Variants in CLEC1B observed in about 807,000 individuals in gnomAD.
CLEC1B encodes C-type lectin domain family 1 member B, also known as C-type lectin-like receptor 2.
Under a neutral mutation model 26.7 loss-of-function variants are expected in CLEC1B, and 26 were observed. The ratio of observed to expected loss-of-function variants is 0.97; its 90% CI spans 0.71 to 1.35. The LOEUF (loss-of-function observed/expected upper bound fraction) is 1.35, where lower values mean the gene tolerates loss of function less well. Among genes scored for constraint, CLEC1B ranks in the 40% most tolerant of loss-of-function variants. CLEC1B has a pLI of 0.00. For synonymous variants in CLEC1B, 112 were observed against 96.0 expected (o/e 1.17, Z -0.97); for missense variants, 293 against 282.6 (o/e 1.04, Z -0.26).
chr12:9,999,451 T>C (rs1366999123), upstream of CLEC1B, among the ~76,000 whole-genome samples: 4 of 152,248 alleles, frequency 2.6e-5, no homozygotes, highest in Non-Finnish European at 4.4e-5. Flanking sequence ...TGCTTTATCT[T>C]AGCCCTAGCT....
chr12:9,995,081 G>T, intron 5 of CLEC1B, 59 bp downstream of exon 5: 1 of 1,603,088 alleles, frequency 6.2e-7, no homozygotes. Flanking sequence ...AGAGAAGAGG[G>T]AATCTCAAGA....
chr12:9,994,184 G>C (rs1487560598), intron 5 of CLEC1B, among the ~76,000 whole-genome samples: 1 of 152,036 alleles, frequency 6.6e-6, no homozygotes, highest in Non-Finnish European at 1.5e-5. Flanking sequence ...TGGAGTTGTG[G>C]AGGCAGAGCA....
intron 4 of CLEC1B, 104 bp downstream of exon 4, chr12:9,996,742 C>T (rs1477175410): frequency 8.5e-7 from 1 of 1,183,174 alleles, no homozygotes; most frequent in Non-Finnish European, 1.3e-6. Flanking sequence ...TTAGTACAAA[C>T]TGAAAGATGT....
upstream of CLEC1B, chr12:9,999,159 C>A: frequency 9.0e-7 from 1 of 1,109,742 alleles, no homozygotes; most frequent in Non-Finnish European, 1.3e-6. Flanking sequence ...ATGTAGTTTC[C>A]AACTTTACAA....
intron 3 of CLEC1B, 23 bp downstream of exon 3, chr12:9,997,137 G>C (rs1433436812): frequency 6.2e-7 from 1 of 1,613,478 alleles, no homozygotes; most frequent in African/African-American, 1.3e-5. Flanking sequence ...GAGAGATGAA[G>C]AGGTTAAAAA....
At chr12:9,998,528 G>A in intron 1 of CLEC1B, 148 bp from the exon 2 acceptor site, 2 of 521,860 alleles carry the variant, frequency 3.8e-6, no homozygotes, top group Non-Finnish European at 3.6e-6. Flanking sequence ...TTCTCCTCAT[G>A]ATCATCAACA....
chr12:9,999,111 G>A lies in CLEC1B; in HGVS notation c.-11C>T, dbSNP rs1256205574. 4.4e-6 allele frequency: 7 copies of A among 1,594,910 alleles called. No homozygotes were observed. The South Asian group carries it at 6.8e-5, about 15-fold the overall frequency. On this transcript the variant is annotated 5_prime_UTR_variant, in exon 1 of 6. Coordinates refer to ENST00000298527, the MANE Select transcript of CLEC1B (RefSeq NM_016509.4). Reference sequence around the variant, plus strand: ...ATCTTCATCCTGCATGGCTTCCCGAGTACTGCAACTGAGCTCAGAGTTCAA... The same window carrying A: ...ATCTTCATCCTGCATGGCTTCCCGAATACTGCAACTGAGCTCAGAGTTCAA...
upstream of CLEC1B, among the ~76,000 whole-genome samples, chr12:10,001,286 G>A (rs1255331196): frequency 1.3e-5 from 2 of 152,200 alleles, no homozygotes; most frequent in Non-Finnish European, 2.9e-5. Context: ...GCCAGGATTA[G>A]TTCTTGATCC....
In CLEC1B at chr12:9,997,198, T is replaced by TG; in HGVS notation, c.244dup (p.Gln82ProfsTer17). Reference sequence around the variant, plus strand: ...TAGTTCTGATTGTTTTACCACATATTGACAGAAGCGCTTTGCTAATTGTTG... The same window carrying TG: ...TAGTTCTGATTGTTTTACCACATATTGGACAGAAGCGCTTTGCTAATTGTTG... On this transcript the variant is annotated frameshift_variant, in exon 3 of 6. Coordinates refer to ENST00000298527, the MANE Select transcript of CLEC1B (RefSeq NM_016509.4). LOFTEE classifies it high-confidence loss of function. 6.2e-7 allele frequency: 1 copy of TG among 1,614,030 alleles called. No homozygotes were observed. The highest frequency in any genetic ancestry group is 8.5e-7 in the Non-Finnish European group (1 of 1,179,976).
Position 9,997,269 on chromosome 12 carries a change from C to T in CLEC1B, c.174G>A (p.Gln58=), listed in dbSNP as rs761327813. 5 of 1,611,036 alleles carry T rather than the reference C, an allele frequency of 3.1e-6. No homozygotes were observed. Among genetic ancestry groups the T allele is most frequent in the Non-Finnish European group, 4.2e-6 (5 of 1,178,012 alleles). The change falls in exon 3 of 6, where the codon CAG becomes CAA. Residue 58 remains glutamine, a synonymous_variant. Transcript: ENST00000298527. ...CATTCTCACCTTGTAGGTAATTGCG[C>T]TGCATGACAGCTAGGTTTAAAAAGT... ...LVALGIWSVM[Q]RNYLQGENEN... is the part of the protein sequence containing the mutation.
In CLEC1B at chr12:9,997,245, A is replaced by G. The variant is rs1270813176; in HGVS notation, c.198T>C (p.Asn66=). ...VMQRNYLQGE[N]ENRTGTLQQL... ...GTTGCAGAGTTCCTGTGCGATTTTC[A>G]TTCTCACCTTGTAGGTAATTGCGCT... is the stretch of plus-strand genomic sequence containing the variant. The change falls in exon 3 of 6, where the codon AAT becomes AAC. Residue 66 remains asparagine (N), a synonymous_variant. Transcript: ENST00000298527. The G allele has an allele frequency of 1.9e-6, 3 of 1,613,346 alleles. No homozygotes were observed. In the South Asian group the frequency reaches 3.3e-5, roughly 18 times the overall value.
chr12:10,000,458 T>A (rs112933488), upstream of CLEC1B, among the ~76,000 whole-genome samples: 1 of 152,124 alleles, frequency 6.6e-6, no homozygotes, highest in African/African-American at 2.4e-5. Flanking sequence ...AAAGCCAAAC[T>A]TAGTATGATT....
Position 9,997,237 on chromosome 12 carries a change from C to A in CLEC1B, c.206G>T (p.Arg69Leu), listed in dbSNP as rs771729842. The A allele has an allele frequency of 5.0e-6, 8 of 1,613,174 alleles. No individual in the cohort carries two copies. Among genetic ancestry groups the A allele is most frequent in the South Asian group, 1.1e-5 (1 of 91,078 alleles). Residue 69 changes from arginine (R) to leucine (L), a missense_variant, in exon 3 of 6, where the codon CGC (arginine) becomes CTC (leucine). Coordinates refer to ENST00000298527, the MANE Select transcript of CLEC1B (RefSeq NM_016509.4). ...RNYLQGENEN[R>L]TGTLQQLAKR... ...TGCTAATTGTTGCAGAGTTCCTGTG[C>A]GATTTTCATTCTCACCTTGTAGGTA...
At chr12:9,998,902 A>G in intron 1 of CLEC1B, 135 bp downstream of exon 1, 1 of 562,370 alleles carries the variant, frequency 1.8e-6, no homozygotes, top group South Asian at 2.9e-5. Flanking sequence ...AACACTACTC[A>G]AATGCTTTAG....
At chr12:9,996,405 T>A (rs1865048364) in intron 4 of CLEC1B, among the ~76,000 whole-genome samples, 1 of 152,196 alleles carries the variant, frequency 6.6e-6, no homozygotes, top group Admixed American at 6.6e-5. Context: ...CGAATTAATC[T>A]CTATATAATA....
upstream of CLEC1B, among the ~76,000 whole-genome samples, chr12:10,000,112 T>C (rs889574107): frequency 2.0e-5 from 3 of 152,224 alleles, no homozygotes; most frequent in Non-Finnish European, 4.4e-5. Context: ...GGCAGATTTT[T>C]ATTTTTGTTA....
In CLEC1B at chr12:9,997,011, C is replaced by A; in HGVS notation, c.284-11G>T. On this transcript the variant is annotated splice_polypyrimidine_tract_variant and intron_variant, in intron 3 of 5. Transcript: ENST00000298527. ...TGCATTTATGACCTTCTGGAGAAAC[C>A]AAGCACAGGAATGGTGTATTTTTTC... 1.2e-6 allele frequency: 2 copies of A among 1,613,586 alleles called. No homozygotes were observed. Among genetic ancestry groups the A allele is most frequent in the Middle Eastern group, 1.7e-4 (1 of 6,056 alleles).
intron 4 of CLEC1B, 111 bp downstream of exon 4, chr12:9,996,735 G>C (rs1865057666): frequency 9.1e-7 from 1 of 1,095,064 alleles, no homozygotes. Context: ...TCTTAGATTA[G>C]TACAAACTGA....
rs750747598 is a variant in CLEC1B, at chr12:9,993,365, T to C, written c.546-78A>G. On this transcript the variant is annotated intron_variant, in intron 5 of 5. Transcript: ENST00000298527. Reference sequence around the variant, plus strand: ...TAATCAGACTCTGCGTATAGTAGTTTGATGCACCAAATAGAGACTGAGGAA... The same window carrying C: ...TAATCAGACTCTGCGTATAGTAGTTCGATGCACCAAATAGAGACTGAGGAA... 16 of 1,197,268 alleles carry C rather than the reference T, an allele frequency of 1.3e-5. No individual in the cohort carries two copies. In the African/African-American group the frequency reaches 2.1e-4, roughly 16 times the overall value. The allele number at this position is 1,197,268 out of a possible 1,614,324, so 74.2% of individuals were successfully genotyped here.
Sources: gnomAD v4.1 joint callset for allele counts (sites outside exome capture counted in the v4.1 genomes callset) on GRCh38, gnomAD v4.1.1 for gene constraint, MANE v1.5 for transcripts, NCBI Gene and HGNC (gene_info 2026-07-23, HGNC 2026-07-21) for gene names.